Variants in SSX3 observed in about 807,000 individuals in gnomAD.
SSX3 encodes SSX family member 3.
Under a neutral mutation model 14.8 loss-of-function variants are expected in SSX3, and 6 were observed. That is an observed-to-expected ratio of 0.41 (90% CI 0.22 to 0.80). The LOEUF is 0.80. Ranked by LOEUF, SSX3 falls within the 30% of genes least tolerant of loss-of-function variation. The pLI, the probability that SSX3 is intolerant of heterozygous loss-of-function variation, is 0.34. For synonymous variants in SSX3, 55 were observed against 52.9 expected (o/e 1.04, Z -0.18); for missense variants, 163 against 152.2 (o/e 1.07, Z -0.37).
At position 48,346,782 on chromosome X, in the gene SSX3, T is replaced by C; in HGVS notation, c.*258A>G. The C allele has an allele frequency of 2.0e-6, 1 of 495,745 alleles. No individual in the cohort carries two copies. 40.9% of individuals were successfully genotyped at this position (495,745 alleles called of 1,213,427 possible). A position where few individuals can be genotyped will look rare whatever the true frequency, so the allele number is the denominator to read the frequency against. The stretch of plus-strand genomic sequence containing the variant: ...GTGCATGGATACACAAACCAAAATA[T>C]GCATTAAGTATGTCTTGCTCATCAG... On this transcript the variant is annotated 3_prime_UTR_variant, in exon 8 of 8. Coordinates refer to ENST00000298396, the MANE Select transcript of SSX3 (RefSeq NM_021014.4).
chrX:48,355,982 G>A (rs782818116), intron 1 of SSX3, among the ~76,000 whole-genome samples: 15 of 110,721 alleles, frequency 1.4e-4, no homozygotes, highest in African/African-American at 4.3e-4. Context: ...GTCGAGACCC[G>A]GCTGGGAAAC....
intron 4 of SSX3, 147 bp downstream of exon 4, chrX:48,353,852 G>T (rs2061273557): frequency 5.7e-6 from 3 of 525,710 alleles, no homozygotes; most frequent in Non-Finnish European, 9.8e-6. Flanking sequence ...AATGACCTCT[G>T]TAGTTAACTT....
In SSX3 at chrX:48,349,980, C is replaced by A. The variant is rs2061254879; in HGVS notation, c.466+7G>T. On this transcript the variant is annotated splice_region_variant and intron_variant, in intron 6 of 7. Transcript: ENST00000298396. ...AGTGGGATTGTTCCTGAATTGCTTC[C>A]TCTTACCAGATATCATGTTAATCTT... 8.3e-7 allele frequency: 1 copy of A among 1,209,182 alleles called. No homozygotes were observed. Among genetic ancestry groups the A allele is most frequent in the African/African-American group, 1.8e-5 (1 of 56,952 alleles).
At chrX:48,354,192 G>C in intron 3 of SSX3, 98 bp from the exon 4 acceptor site, 2 of 784,291 alleles carry the variant, frequency 2.6e-6, no homozygotes, top group Non-Finnish European at 3.9e-6. Flanking sequence ...GCTAAGGCTG[G>C]AGGATTGCTT....
At chrX:48,351,665 T>C (rs782388640) in intron 5 of SSX3, among the ~76,000 whole-genome samples, 26 of 112,569 alleles carry the variant, frequency 2.3e-4, no homozygotes, top group Non-Finnish European at 4.1e-4. Flanking sequence ...AGCCTCATTT[T>C]ATTATTATGT....
intron 7 of SSX3, 55 bp from the exon 8 acceptor site, chrX:48,347,090 A>C (rs2061242244): frequency 8.4e-7 from 1 of 1,185,831 alleles, no homozygotes; most frequent in Admixed American, 2.2e-5. Context: ...ACCACGTGAC[A>C]ACTCAATCTC....
At chrX:48,352,703 C>T (rs782100036) in intron 4 of SSX3, among the ~76,000 whole-genome samples, 1 of 112,012 alleles carries the variant, frequency 8.9e-6, no homozygotes, top group Admixed American at 9.5e-5. Flanking sequence ...GTTTAGTTGG[C>T]GAGTAATAGG....
rs186896433 is a variant in SSX3, at chrX:48,348,856, A to G, written c.466+1131T>C. Among the ~76,000 whole-genome samples, 12 of 112,089 alleles carry G rather than the reference A, an allele frequency of 1.1e-4. 1 individual carries two copies. Among genetic ancestry groups the G allele is most frequent in the Admixed American group, 5.7e-4 (6 of 10,483 alleles). ...AAGTCTAATTCAGAGCAAGACCAGAACTCTCTTCAAATCCATGAAAGCTGA... is the reference window on the plus strand; with the variant it reads ...AAGTCTAATTCAGAGCAAGACCAGAGCTCTCTTCAAATCCATGAAAGCTGA... On this transcript the variant is annotated intron_variant, in intron 6 of 7. Transcript: ENST00000298396.
chrX:48,355,037 T>G, intron 2 of SSX3, 144 bp downstream of exon 2: 2 of 1,202,413 alleles, frequency 1.7e-6, no homozygotes, highest in Non-Finnish European at 2.2e-6. Flanking sequence ...GATGACAGAG[T>G]GAGGGTGGGA....
At chrX:48,347,468 G>A (rs782527287) in intron 7 of SSX3, 32 bp downstream of exon 7, 2 of 1,202,874 alleles carry the variant, frequency 1.7e-6, no homozygotes, top group East Asian at 3.0e-5. Flanking sequence ...ACATCTGCAG[G>A]GATGCAGGGG....
intron 4 of SSX3, among the ~76,000 whole-genome samples, chrX:48,353,395 G>A (rs1426830008): frequency 3.6e-5 from 4 of 110,863 alleles, no homozygotes; most frequent in Admixed American, 1.9e-4. Context: ...AGGCTGAGGC[G>A]GGTGGATCAC....
chrX:48,355,109 C>A, intron 2 of SSX3, 72 bp downstream of exon 2: 1 of 1,202,996 alleles, frequency 8.3e-7, no homozygotes, highest in South Asian at 1.8e-5. Context: ...TCTCTGTCCT[C>A]CCCTCCTCAG....
At chrX:48,352,052 T>G (rs1165481828) in intron 5 of SSX3, 48 bp downstream of exon 5, 2 of 1,187,432 alleles carry the variant, frequency 1.7e-6, no homozygotes, top group Non-Finnish European at 2.3e-6. Flanking sequence ...GTTCGCATCC[T>G]TGGAGGGACA....
chrX:48,355,804 G>A (rs2061284782), intron 1 of SSX3, among the ~76,000 whole-genome samples: 2 of 111,844 alleles, frequency 1.8e-5, no homozygotes, highest in Non-Finnish European at 3.8e-5. Flanking sequence ...TGATTTGTAA[G>A]TTATTAGAAC....
chrX:48,348,534 C>T (rs1569460829), intron 6 of SSX3: 2 of 467,573 alleles, frequency 4.3e-6, no homozygotes, highest in Non-Finnish European at 3.9e-6. Flanking sequence ...AGTCGCATGC[C>T]TTTCACTCTA....
chrX:48,346,799 GC>G lies in SSX3; in HGVS notation c.*240del. ...CCAAAATATGCATTAAGTATGTCTT[GC>G]TCATCAGTGAAAATGTTAATATCTA... On this transcript the variant is annotated 3_prime_UTR_variant, in exon 8 of 8. Coordinates refer to ENST00000298396, the MANE Select transcript of SSX3 (RefSeq NM_021014.4). The G allele has an allele frequency of 1.9e-6, 1 of 539,203 alleles. No individual in the cohort carries two copies. Among genetic ancestry groups the G allele is most frequent in the East Asian group, 3.6e-5 (1 of 27,426 alleles). 44.4% of individuals were successfully genotyped at this position (539,203 alleles called of 1,213,427 possible).
intron 5 of SSX3, among the ~76,000 whole-genome samples, chrX:48,351,528 G>A (rs2061263135): frequency 8.9e-6 from 1 of 112,658 alleles, no homozygotes; most frequent in Non-Finnish European, 1.9e-5. Context: ...TGAAGCCCTA[G>A]TGAGCAACAT....
chrX:48,347,811 C>T (rs1163128442), intron 6 of SSX3, among the ~76,000 whole-genome samples: 1 of 112,417 alleles, frequency 8.9e-6, no homozygotes, highest in Non-Finnish European at 1.9e-5. Flanking sequence ...TAGCTTCTGG[C>T]TCCTTCCCTT....
chrX:48,348,878 C>G lies in SSX3; in HGVS notation c.466+1109G>C, dbSNP rs782282267. Among the ~76,000 whole-genome samples, 19 of 112,057 alleles carry G rather than the reference C, an allele frequency of 1.7e-4. 1 individual carries two copies. In the South Asian group the frequency reaches 7.0e-3, roughly 42 times the overall value. On this transcript the variant is annotated intron_variant, in intron 6 of 7. Transcript: ENST00000298396. The stretch of plus-strand genomic sequence containing the variant: ...AGAACTCTCTTCAAATCCATGAAAG[C>G]TGAGAGAGGTGAAGAAGCTGCAGGA...
Sources: gnomAD v4.1 joint callset for allele counts (sites outside exome capture counted in the v4.1 genomes callset) on GRCh38, gnomAD v4.1.1 for gene constraint, MANE v1.5 for transcripts, NCBI Gene and HGNC (gene_info 2026-07-23, HGNC 2026-07-21) for gene names.